Variants in DHRS12 observed in about 807,000 individuals in gnomAD.
The protein encoded by DHRS12 is dehydrogenase/reductase 12.
In DHRS12, 29 loss-of-function variants were observed where a neutral mutation model predicts 32.1. The observed-to-expected ratio is 0.90, with a 90% confidence interval of 0.67 to 1.23. The LOEUF is 1.23. Among genes scored for constraint, DHRS12 ranks in the 50% most tolerant of loss-of-function variants. The probability of loss-of-function intolerance (pLI) is 0.00; values close to 1 mark genes in which losing one functional copy is unlikely to be tolerated. For missense variants in DHRS12, 330 were observed against 337.2 expected (o/e 0.98, Z 0.17); for synonymous variants, 150 against 135.9 (o/e 1.10, Z -0.72).
intron 2 of DHRS12, chr13:51,798,010 C>T: frequency 1.7e-6 from 2 of 1,200,086 alleles, no homozygotes; most frequent in Non-Finnish European, 2.4e-6. Context: ...AGTTGACACT[C>T]TTCTGTTAAG....
At chr13:51,793,012 T>A (rs908421298) in intron 2 of DHRS12, among the ~76,000 whole-genome samples, 1 of 152,076 alleles carries the variant, frequency 6.6e-6, no homozygotes, top group African/African-American at 2.4e-5. Context: ...GCTGTGACCC[T>A]TAGTCCTTGC....
intron 4 of DHRS12, among the ~76,000 whole-genome samples, chr13:51,785,601 G>A (rs929685339): frequency 2.6e-5 from 4 of 152,146 alleles, no homozygotes; most frequent in Non-Finnish European, 5.9e-5. Flanking sequence ...GAGAATATAC[G>A]TTGGCCAGAA....
chr13:51,757,568 T>C, the DHRS12 span, among the ~76,000 whole-genome samples: 1 of 151,676 alleles, frequency 6.6e-6, no homozygotes, highest in Non-Finnish European at 1.5e-5. Flanking sequence ...CTGTTTCTTC[T>C]GCCTCTTCTC....
intron 8 of DHRS12, 116 bp from the exon 9 acceptor site, chr13:51,768,412 C>G (rs2138861661): frequency 6.8e-7 from 1 of 1,481,086 alleles, no homozygotes; most frequent in Non-Finnish European, 8.9e-7. Context: ...CACCCTACAG[C>G]TGTTAGACCC....
rs146267359 is a variant in DHRS12, at chr13:51,770,904, A to G, written c.559+917T>C. On this transcript the variant is annotated intron_variant, in intron 7 of 8. Transcript: ENST00000444610. Reference sequence around the variant, plus strand: ...AGGTGTTCTATAATTTATTAACTTCATCTCCTACCACCAGCACTGTGATAA... The same window carrying G: ...AGGTGTTCTATAATTTATTAACTTCGTCTCCTACCACCAGCACTGTGATAA... 1.4e-5 allele frequency: 17 copies of G among 1,188,394 alleles called. No homozygotes were observed. In the East Asian group the frequency reaches 7.5e-4, roughly 53 times the overall value. 73.6% of individuals were successfully genotyped at this position (1,188,394 alleles called of 1,614,324 possible). A position where few individuals can be genotyped will look rare whatever the true frequency, so the allele number is the denominator to read the frequency against.
At chr13:51,800,688 C>T (rs1955713975) in intron 1 of DHRS12, among the ~76,000 whole-genome samples, 1 of 152,260 alleles carries the variant, frequency 6.6e-6, no homozygotes, top group Non-Finnish European at 1.5e-5. Context: ...AGCACAACTG[C>T]CAGTTACATG....
the DHRS12 span, chr13:51,758,183 TCCTTCTAGACGTGCACCCA>T: frequency 1.3e-6 from 2 of 1,543,634 alleles, no homozygotes; most frequent in African/African-American, 2.7e-5. Flanking sequence ...CTTTCTTTGC[TCCTTCTAGACGTGCACCCA>T]CAGCCACCTT....
rs1384012568 is a variant in DHRS12, at chr13:51,782,789, A to G, written c.302-5668T>C. On this transcript the variant is annotated intron_variant, in intron 4 of 8. Transcript: ENST00000444610. The surrounding 1 kb of genome is among the most constrained non-coding windows in gnomAD (Gnocchi z 4.2). ...GGCACTTGGGCCTCAGCTCATTAAA[A>G]GGACAAAGGTGCTTATTTGGGATTG... 2.0e-5 allele frequency among the ~76,000 whole-genome samples: 3 copies of G among 152,314 alleles called. No individual in the cohort carries two copies. The highest frequency in any genetic ancestry group is 4.8e-5 in the African/African-American group (2 of 41,568).
chr13:51,775,622 A>AT (rs1458574214), intron 5 of DHRS12: 2 of 7,632 alleles, frequency 2.6e-4, no homozygotes, highest in Non-Finnish European at 7.6e-4. Context: ...ATTCTCCTAC[A>AT]GTATTCTCCT....
chr13:51,799,822 A>G (rs886147296), intron 1 of DHRS12, among the ~76,000 whole-genome samples, 155 bp from the exon 2 acceptor site: 1 of 151,928 alleles, frequency 6.6e-6, no homozygotes, highest in Non-Finnish European at 1.5e-5. Context: ...CCCTGCTCTC[A>G]CAAACACCAC....
At chr13:51,786,455 G>T (rs983505396) in intron 4 of DHRS12, among the ~76,000 whole-genome samples, 3 of 152,166 alleles carry the variant, frequency 2.0e-5, no homozygotes, top group Admixed American at 6.5e-5. Context: ...GACTGGAGGA[G>T]ACCTGAAACA....
At chr13:51,758,316 A>ACC in the DHRS12 span, 1 of 1,552,660 alleles carries the variant, frequency 6.4e-7, no homozygotes, top group Non-Finnish European at 8.8e-7. Context: ...ATGCCATCTT[A>ACC]TTAAGAAGCT....
At chr13:51,770,355 A>G (rs554912854) in intron 7 of DHRS12, among the ~76,000 whole-genome samples, 42 of 152,282 alleles carry the variant, frequency 2.8e-4, no homozygotes, top group Middle Eastern at 3.4e-3. Context: ...TGAACAACAC[A>G]TGGTAAACTG....
chr13:51,787,839 A>T (rs967909268), intron 4 of DHRS12, among the ~76,000 whole-genome samples: 36 of 110,286 alleles, frequency 3.3e-4, no homozygotes, highest in Non-Finnish European at 5.6e-4. Flanking sequence ...TTATATAAAC[A>T]TATAATATAT....
chr13:51,761,422 C>G, the DHRS12 span: 1 of 152,188 alleles, frequency 6.6e-6, no homozygotes, highest in Non-Finnish European at 1.5e-5. Context: ...GCACTTTACA[C>G]GCACAGCTCA....
At chr13:51,762,718 C>G in the DHRS12 span, 1 of 152,286 alleles carries the variant, frequency 6.6e-6, no homozygotes, top group South Asian at 2.1e-4. Context: ...TTGTTTTACC[C>G]TGTTGGATTT....
chr13:51,802,193 A>G (rs1955789717), intron 1 of DHRS12, among the ~76,000 whole-genome samples: 1 of 142,318 alleles, frequency 7.0e-6, no homozygotes, highest in South Asian at 2.3e-4. Context: ...ACACACACAC[A>G]CACACACACA....
chr13:51,767,942 C>G, downstream of DHRS12: 2 of 1,293,796 alleles, frequency 1.5e-6, no homozygotes, highest in South Asian at 3.8e-5. Flanking sequence ...CTTTAGAAAA[C>G]CATTCTCGAA....
downstream of DHRS12, chr13:51,767,975 A>C: frequency 1.5e-6 from 2 of 1,367,932 alleles, no homozygotes; most frequent in East Asian, 2.7e-5. Flanking sequence ...AAAATAAGAA[A>C]AGAACCTGCT....
Sources: gnomAD v4.1 joint callset for allele counts (sites outside exome capture counted in the v4.1 genomes callset) on GRCh38, gnomAD v4.1.1 for gene constraint, Gnocchi (gnomAD v3.1) non-coding constraint, MANE v1.5 for transcripts, NCBI Gene and HGNC (gene_info 2026-07-23, HGNC 2026-07-21) for gene names.